Variants in ARHGAP42 observed in about 807,000 individuals in gnomAD.
ARHGAP42 encodes rho GTPase-activating protein 42.
A neutral mutation model predicts 125.0 loss-of-function variants in ARHGAP42; 63 were observed. That is an observed-to-expected ratio of 0.50 (90% confidence interval 0.41 to 0.62). ARHGAP42 has a LOEUF of 0.62. Ranked by LOEUF, ARHGAP42 falls within the 20% of genes least tolerant of loss-of-function variation. The probability of loss-of-function intolerance (pLI) is 0.00; values close to 1 mark genes in which losing one functional copy is unlikely to be tolerated. For missense variants in ARHGAP42, 766 were observed against 1,024.2 expected (o/e 0.75, Z 3.44); for synonymous variants, 339 against 351.0 (o/e 0.97, Z 0.38).
chr11:100,751,277 G>GTTTTT (rs756243174), intron 1 of ARHGAP42, among the ~76,000 whole-genome samples: 22 of 121,670 alleles, frequency 1.8e-4, no homozygotes, highest in Non-Finnish European at 2.7e-4. Flanking sequence ...GTGTGTGTGT[G>GTTTTT]TGTTTTTTTT....
At chr11:100,795,298 T>G in intron 3 of ARHGAP42, 132 bp downstream of exon 3, 1 of 575,854 alleles carries the variant, frequency 1.7e-6, no homozygotes, top group Non-Finnish European at 2.8e-6. Context: ...TTTACATGTA[T>G]TTTTGAAAAG....
At chr11:100,840,064 C>A (rs1864909476) in intron 3 of ARHGAP42, 1 of 152,096 alleles carries the variant, frequency 6.6e-6, no homozygotes, top group African/African-American at 2.4e-5. Context: ...CAAATTAAAT[C>A]ATATCTAGGG....
chr11:100,791,138 T>C (rs1236044401), intron 2 of ARHGAP42, among the ~76,000 whole-genome samples: 3 of 152,150 alleles, frequency 2.0e-5, no homozygotes, highest in Non-Finnish European at 4.4e-5. Flanking sequence ...TCATGGTCTC[T>C]TAGGGCATTT....
At chr11:100,745,161 G>T (rs1862273353) in intron 1 of ARHGAP42, among the ~76,000 whole-genome samples, 1 of 152,154 alleles carries the variant, frequency 6.6e-6, no homozygotes, top group Non-Finnish European at 1.5e-5. Context: ...AATTGAAAAA[G>T]GTTGCTTTAC....
chr11:100,819,247 G>T (rs1864349472), intron 3 of ARHGAP42, among the ~76,000 whole-genome samples: 1 of 152,264 alleles, frequency 6.6e-6, no homozygotes, highest in Non-Finnish European at 1.5e-5. Context: ...GGCAAGTGAG[G>T]TTAGTCAGAA....
chr11:100,725,934 C>CAAAAAAAAA (rs57899188), intron 1 of ARHGAP42, among the ~76,000 whole-genome samples: 2 of 99,280 alleles, frequency 2.0e-5, no homozygotes, highest in East Asian at 3.2e-4. Flanking sequence ...GACTCCGTCT[C>CAAAAAAAAA]AAAAAAAAAA....
rs559097182 is a variant in ARHGAP42, at chr11:100,842,819, CG to C, written c.313-16733del. 5.5e-4 allele frequency among the ~76,000 whole-genome samples: 84 copies of C among 152,022 alleles called. No individual in the cohort carries two copies. The East Asian group carries it at 0.016, about 28-fold the overall frequency. The stretch of plus-strand genomic sequence containing the variant: ...TAAAACCTCTTGGATACAGCAAAGA[CG>C]GCGCTAAGAGGAAAGTTTATAGCCC... On this transcript the variant is annotated intron_variant, in intron 3 of 23. Transcript: ENST00000298815.
chr11:100,875,095 CTCTCTCTCTCTCTGTGTGTGTGTGTGTG>C (rs1009579121), intron 4 of ARHGAP42, among the ~76,000 whole-genome samples: 2 of 94,810 alleles, frequency 2.1e-5, no homozygotes, highest in African/African-American at 7.5e-5. Context: ...CTCTCTCTCT[CTCTCTCTCTCTCTGTGTGTGTGTGTGTG>C]TGTGTGTGTG....
intron 3 of ARHGAP42, among the ~76,000 whole-genome samples, chr11:100,846,518 C>T (rs927377292): frequency 2.7e-4 from 41 of 152,298 alleles, no homozygotes; most frequent in African/African-American, 9.6e-4. Flanking sequence ...TACCCTACCC[C>T]CACTTCCAAC....
At chr11:100,710,258 C>T (rs1861539177) in intron 1 of ARHGAP42, among the ~76,000 whole-genome samples, 1 of 152,048 alleles carries the variant, frequency 6.6e-6, no homozygotes, top group Admixed American at 6.6e-5. Flanking sequence ...GACAGAGTCT[C>T]ACTCCATCTC....
At chr11:100,941,014 G>T (rs1184328331) in intron 8 of ARHGAP42, among the ~76,000 whole-genome samples, 6 of 152,166 alleles carry the variant, frequency 3.9e-5, no homozygotes, top group East Asian at 3.9e-4. Context: ...TAAGGTGAGG[G>T]TGTTTAGATC....
At chr11:100,712,734 A>T (rs1861585529) in intron 1 of ARHGAP42, among the ~76,000 whole-genome samples, 1 of 152,128 alleles carries the variant, frequency 6.6e-6, no homozygotes, top group Non-Finnish European at 1.5e-5. Flanking sequence ...AGTTACTGAG[A>T]ATTGATCAGG....
chr11:100,697,634 C>CT (rs1284008724), intron 1 of ARHGAP42, among the ~76,000 whole-genome samples: 1 of 152,144 alleles, frequency 6.6e-6, no homozygotes, highest in Non-Finnish European at 1.5e-5. Flanking sequence ...CAGTTTTTCT[C>CT]TTTCGTATAC....
chr11:100,698,933 A>G (rs1357792838), intron 1 of ARHGAP42, among the ~76,000 whole-genome samples: 1 of 152,090 alleles, frequency 6.6e-6, no homozygotes, highest in Non-Finnish European at 1.5e-5. Context: ...TGCTAAGGCT[A>G]TTACTTTTTT....
At chr11:100,711,600 C>G (rs531350794) in intron 1 of ARHGAP42, among the ~76,000 whole-genome samples, 1 of 152,236 alleles carries the variant, frequency 6.6e-6, no homozygotes, top group Non-Finnish European at 1.5e-5. Context: ...TCAAGTGATC[C>G]TCTTGCCTCA....
intron 3 of ARHGAP42, among the ~76,000 whole-genome samples, chr11:100,812,159 G>T (rs980748244): frequency 6.6e-6 from 1 of 152,100 alleles, no homozygotes; most frequent in Non-Finnish European, 1.5e-5. Context: ...TTAATAATAG[G>T]TTCAGCCAGG....
chr11:100,757,882 C>T (rs193012083), intron 1 of ARHGAP42, among the ~76,000 whole-genome samples: 1 of 152,222 alleles, frequency 6.6e-6, no homozygotes, highest in East Asian at 1.9e-4. Context: ...GGCATGATGC[C>T]AGCATTCATC....
intron 3 of ARHGAP42, among the ~76,000 whole-genome samples, 159 bp downstream of exon 3, chr11:100,795,325 A>G (rs979731898): frequency 2.6e-5 from 4 of 152,206 alleles, no homozygotes; most frequent in Non-Finnish European, 5.9e-5. Flanking sequence ...GACTATAATT[A>G]TCATATATTG....
At chr11:100,967,496 A>G (rs891245523) in intron 17 of ARHGAP42, among the ~76,000 whole-genome samples, 1 of 152,152 alleles carries the variant, frequency 6.6e-6, no homozygotes, top group Non-Finnish European at 1.5e-5. Context: ...ACACATGGAT[A>G]TTTGCTAGTG....
Sources: gnomAD v4.1 joint callset for allele counts (sites outside exome capture counted in the v4.1 genomes callset) on GRCh38, gnomAD v4.1.1 for gene constraint, MANE v1.5 for transcripts, NCBI Gene and HGNC (gene_info 2026-07-23, HGNC 2026-07-21) for gene names.